AGBL1: variants seen among roughly 807,000 people sequenced by gnomAD.
The protein encoded by AGBL1 is AGBL carboxypeptidase 1.
AGBL1 carries 130 observed loss-of-function variants against 118.9 expected under a neutral mutation model. The ratio of observed to expected loss-of-function variants is 1.09; its 90% CI spans 0.95 to 1.26. AGBL1 has a LOEUF of 1.26. Among genes scored for constraint, AGBL1 ranks in the 50% most tolerant of loss-of-function variants. The pLI is 0.00. For synonymous variants in AGBL1, 555 were observed against 478.9 expected (o/e 1.16, Z -2.08); for missense variants, 1,584 against 1,298.1 (o/e 1.22, Z -3.38).
chr15:86,196,923 ACACG>A (rs1379403235), intron 5 of AGBL1, among the ~76,000 whole-genome samples: 28 of 150,120 alleles, frequency 1.9e-4, no homozygotes, highest in African/African-American at 6.6e-4. Context: ...ACACACACAC[ACACG>A]AAAGGCCATA....
At chr15:86,952,411 C>T (rs2080888912) in intron 23 of AGBL1, among the ~76,000 whole-genome samples, 1 of 152,060 alleles carries the variant, frequency 6.6e-6, no homozygotes, top group Admixed American at 6.6e-5. Context: ...ACTATCTCTA[C>T]TTTTTAATTA....
At chr15:86,490,717 A>G (rs1038942179) in intron 18 of AGBL1, among the ~76,000 whole-genome samples, 14 of 152,128 alleles carry the variant, frequency 9.2e-5, no homozygotes, top group African/African-American at 3.4e-4. Flanking sequence ...AAGTGACTTC[A>G]TGATTAAAGT....
intron 22 of AGBL1, among the ~76,000 whole-genome samples, chr15:86,731,978 G>T (rs954174841): frequency 2.6e-5 from 4 of 152,176 alleles, no homozygotes; most frequent in African/African-American, 9.6e-5. Context: ...CTGATCTGCA[G>T]TCACTCTGCT....
chr15:86,190,163 T>C (rs2077696583), intron 5 of AGBL1, among the ~76,000 whole-genome samples: 1 of 152,182 alleles, frequency 6.6e-6, no homozygotes, highest in South Asian at 2.1e-4. Context: ...AAAAGTATTA[T>C]GCACCTTAAA....
At chr15:86,168,565 A>C (rs2077373357) in intron 5 of AGBL1, among the ~76,000 whole-genome samples, 1 of 152,198 alleles carries the variant, frequency 6.6e-6, no homozygotes, top group Admixed American at 6.5e-5. Flanking sequence ...TAACCTGAAA[A>C]AGCTCAATAA....
intron 17 of AGBL1, among the ~76,000 whole-genome samples, chr15:86,365,957 CT>C (rs984359928): frequency 6.6e-6 from 1 of 152,062 alleles, no homozygotes; most frequent in African/African-American, 2.4e-5. Flanking sequence ...GGAAAAAAAT[CT>C]TTTTTTCCTC....
intron 22 of AGBL1, among the ~76,000 whole-genome samples, chr15:86,704,001 C>T (rs1309887686): frequency 1.3e-5 from 2 of 152,160 alleles, no homozygotes; most frequent in Non-Finnish European, 2.9e-5. Flanking sequence ...CTACAGCCAT[C>T]TGATCTTCAA....
chr15:86,487,402 G>A (rs998292198), intron 18 of AGBL1, among the ~76,000 whole-genome samples: 43 of 152,212 alleles, frequency 2.8e-4, no homozygotes, highest in Admixed American at 3.9e-4. Flanking sequence ...TGTGCAGAAC[G>A]ATGGTGAAAA....
intron 18 of AGBL1, among the ~76,000 whole-genome samples, chr15:86,436,919 CTG>C (rs2142047558): frequency 6.6e-6 from 1 of 152,014 alleles, no homozygotes; most frequent in East Asian, 1.9e-4. Flanking sequence ...TTTCAAGACT[CTG>C]TAACTCACCA....
intron 21 of AGBL1, among the ~76,000 whole-genome samples, chr15:86,614,233 T>C (rs2084693250): frequency 6.6e-6 from 1 of 152,210 alleles, no homozygotes; most frequent in African/African-American, 2.4e-5. Context: ...GTTGAAATCA[T>C]TTACTGACCC....
At chr15:86,830,212 A>T (rs911012626) in intron 22 of AGBL1, among the ~76,000 whole-genome samples, 3 of 152,258 alleles carry the variant, frequency 2.0e-5, no homozygotes, top group Middle Eastern at 3.4e-3. Context: ...TTACCTACAC[A>T]TTATACCCAT....
At chr15:86,849,562 T>C (rs2079374732) in intron 22 of AGBL1, among the ~76,000 whole-genome samples, 1 of 139,264 alleles carries the variant, frequency 7.2e-6, no homozygotes, top group Admixed American at 8.5e-5. Context: ...ACAAGGAAAA[T>C]ATCAGAATTG....
rs1003193927 is a variant in AGBL1, at chr15:86,912,995, A to G, written c.*5701A>G. 2.0e-5 allele frequency: 3 copies of G among 152,166 alleles called. No individual in the cohort carries two copies. Among genetic ancestry groups the G allele is most frequent in the African/African-American group, 4.8e-5 (2 of 41,420 alleles). The allele number at this position is 152,166 out of a possible 1,614,324, so 9.4% of individuals were successfully genotyped here. On this transcript the variant is annotated 3_prime_UTR_variant, in exon 23 of 23. Coordinates refer to ENST00000614907, the MANE Select transcript of AGBL1 (RefSeq NM_001386094.1). ...GTGTTGCAGTTTGGTTCATGCTACCAATGCTTGATAAAAAGTGTTCTTTAG... is the reference window on the plus strand; with the variant it reads ...GTGTTGCAGTTTGGTTCATGCTACCGATGCTTGATAAAAAGTGTTCTTTAG...
At chr15:86,330,442 G>A (rs532428245) in intron 17 of AGBL1, among the ~76,000 whole-genome samples, 95 of 152,130 alleles carry the variant, frequency 6.2e-4, no homozygotes, top group Admixed American at 3.3e-4. Flanking sequence ...AGAGGGGAAA[G>A]GGAAAGAAAA....
At chr15:86,846,916 G>C (rs966750273) in intron 22 of AGBL1, among the ~76,000 whole-genome samples, 3 of 152,050 alleles carry the variant, frequency 2.0e-5, no homozygotes, top group African/African-American at 7.3e-5. Flanking sequence ...CTTCTAAAAT[G>C]TATGTATTGA....
chr15:86,858,021 T>A (rs953558093), intron 22 of AGBL1, among the ~76,000 whole-genome samples: 4 of 152,202 alleles, frequency 2.6e-5, no homozygotes, highest in African/African-American at 9.7e-5. Context: ...GTCTTTCTAG[T>A]TTCTCTTCTT....
At chr15:86,219,005 G>T (rs2078235461) in intron 5 of AGBL1, among the ~76,000 whole-genome samples, 1 of 152,230 alleles carries the variant, frequency 6.6e-6, no homozygotes, top group Non-Finnish European at 1.5e-5. Context: ...TACAATTGTG[G>T]TAACATTACA....
chr15:86,221,331 C>G (rs2078277634), intron 5 of AGBL1, among the ~76,000 whole-genome samples: 1 of 152,220 alleles, frequency 6.6e-6, no homozygotes, highest in African/African-American at 2.4e-5. Flanking sequence ...ACTGTGGGCC[C>G]CCAGTTCACG....
intron 22 of AGBL1, among the ~76,000 whole-genome samples, chr15:86,694,837 A>G (rs919277183): frequency 6.6e-6 from 1 of 152,084 alleles, no homozygotes; most frequent in African/African-American, 2.4e-5. Flanking sequence ...CTTTTTCTGC[A>G]TCTATTGAGA....
Sources: allele counts gnomAD v4.1 joint callset (sites outside exome capture counted in the v4.1 genomes callset), GRCh38; gene constraint gnomAD v4.1.1; transcripts MANE v1.5; gene names NCBI Gene and HGNC (gene_info 2026-07-23, HGNC 2026-07-21).